CDH18: variants seen among roughly 807,000 people sequenced by gnomAD.
The protein encoded by CDH18 is cadherin 18.
A neutral mutation model predicts 67.9 loss-of-function variants in CDH18; 31 were observed. The observed-to-expected ratio is 0.46, with a 90% CI of 0.34 to 0.62. The LOEUF is 0.62. Among genes scored for constraint, CDH18 ranks in the 20% least tolerant of loss-of-function variants. The pLI is 0.01. For missense variants in CDH18, 890 were observed against 975.5 expected (o/e 0.91, Z 1.17); for synonymous variants, 362 against 347.2 (o/e 1.04, Z -0.48).
At chr5:20,512,436 C>A (rs1453967410) in intron 1 of CDH18, among the ~76,000 whole-genome samples, 1 of 152,108 alleles carries the variant, frequency 6.6e-6, no homozygotes, top group Non-Finnish European at 1.5e-5. Flanking sequence ...TAAAAATCTA[C>A]AAGTGATCTT....
intron 2 of CDH18, among the ~76,000 whole-genome samples, chr5:20,000,342 T>C (rs1209851284): frequency 6.6e-6 from 1 of 152,218 alleles, no homozygotes; most frequent in Non-Finnish European, 1.5e-5. Flanking sequence ...TGAATGCCTT[T>C]AACTTAGTAT....
At chr5:20,413,779 A>T (rs559440612) in intron 1 of CDH18, among the ~76,000 whole-genome samples, 6 of 152,048 alleles carry the variant, frequency 3.9e-5, no homozygotes, top group African/African-American at 1.4e-4. Context: ...TCACTCTGAT[A>T]GTAGTTTCTT....
intron 1 of CDH18, among the ~76,000 whole-genome samples, chr5:20,308,079 C>CTTTTTTTTTTTTT (rs759117114): frequency 2.1e-4 from 18 of 85,434 alleles, no homozygotes; most frequent in African/African-American, 8.7e-4. Context: ...AATACTACTG[C>CTTTTTTTTTTTTT]TTTTTTTTTT....
At chr5:19,889,989 G>C (rs910697113) in intron 2 of CDH18, among the ~76,000 whole-genome samples, 1 of 152,122 alleles carries the variant, frequency 6.6e-6, no homozygotes, top group Non-Finnish European at 1.5e-5. Context: ...TTCTGAAGAT[G>C]AATTACTGTA....
intron 2 of CDH18, among the ~76,000 whole-genome samples, chr5:20,153,471 G>T (rs887515002): frequency 5.3e-5 from 8 of 152,192 alleles, no homozygotes; most frequent in African/African-American, 1.7e-4. Flanking sequence ...AACACTTACT[G>T]ATACAACACA....
At chr5:20,242,968 TA>T (rs1743102336) in intron 2 of CDH18, among the ~76,000 whole-genome samples, 1 of 152,074 alleles carries the variant, frequency 6.6e-6, no homozygotes, top group Non-Finnish European at 1.5e-5. Flanking sequence ...GTAGTAAGAT[TA>T]ATTCTAAATC....
chr5:19,606,355 G>C (rs1239458334), intron 6 of CDH18, among the ~76,000 whole-genome samples: 1 of 151,944 alleles, frequency 6.6e-6, no homozygotes, highest in Non-Finnish European at 1.5e-5. Context: ...AAATGACCCA[G>C]GCATGATTAT....
intron 3 of CDH18, among the ~76,000 whole-genome samples, chr5:19,755,581 T>C (rs1771501673): frequency 7.2e-6 from 1 of 139,786 alleles, no homozygotes; most frequent in African/African-American, 2.9e-5. Context: ...ATAGGATATA[T>C]ATAATATAAG....
chr5:19,813,827 T>C (rs1778999309), intron 3 of CDH18, among the ~76,000 whole-genome samples: 1 of 152,140 alleles, frequency 6.6e-6, no homozygotes, highest in African/African-American at 2.4e-5. Context: ...TTGACACTAA[T>C]GTGCCAAAAC....
chr5:19,942,973 C>A (rs1460690345), intron 2 of CDH18, among the ~76,000 whole-genome samples: 1 of 152,148 alleles, frequency 6.6e-6, no homozygotes, highest in Non-Finnish European at 1.5e-5. Context: ...TTCTGATATA[C>A]TCTCTGCCAG....
intron 5 of CDH18, among the ~76,000 whole-genome samples, chr5:19,708,855 C>T (rs937215385): frequency 1.3e-4 from 20 of 152,050 alleles, no homozygotes; most frequent in African/African-American, 4.3e-4. Flanking sequence ...CCCCCTGATT[C>T]CCACTCCCCA....
At chr5:19,920,063 T>C (rs553572022) in intron 2 of CDH18, among the ~76,000 whole-genome samples, 24 of 152,280 alleles carry the variant, frequency 1.6e-4, no homozygotes, top group Non-Finnish European at 3.2e-4. Context: ...TTCAGAAACA[T>C]GTTAAAGTAA....
intron 8 of CDH18, among the ~76,000 whole-genome samples, chr5:19,556,901 A>C (rs1246021123): frequency 6.6e-6 from 1 of 152,196 alleles, no homozygotes; most frequent in Non-Finnish European, 1.5e-5. Flanking sequence ...AACACCAGGT[A>C]ATCTATAAAG....
rs779949813 is a variant in CDH18 at position 19,571,714 on chromosome 5, A to G, written c.1118T>C (p.Ile373Thr). Residue 373 changes from isoleucine (I) to threonine (T), a missense_variant, in exon 8 of 13, where the codon ATT becomes ACT. Coordinates refer to ENST00000382275, the MANE Select transcript of CDH18 (RefSeq NM_004934.5). The stretch of plus-strand genomic sequence containing the variant: ...TGGTGGTTCATCTACATCCCCAACA[A>G]TGATCTTCAGCATAGTAGCATCTTT... Reference protein sequence around the residue: ...PFKDATMLKIIVGDVDEPPLF... With the variant: ...PFKDATMLKITVGDVDEPPLF... 1.2e-6 allele frequency: 2 copies of G among 1,613,982 alleles called. No homozygotes were observed. Among genetic ancestry groups the G allele is most frequent in the South Asian group, 1.1e-5 (1 of 91,070 alleles).
Position 19,904,313 on chromosome 5 carries a change from CGAAAA to C in CDH18, c.-256-65076_-256-65072del, listed in dbSNP as rs919478780. Among the ~76,000 whole-genome samples, 23 of 131,678 alleles carry C rather than the reference CGAAAA, an allele frequency of 1.7e-4. No homozygotes were observed. In the South Asian group the frequency reaches 2.3e-3, roughly 13 times the overall value. 86.4% of individuals were successfully genotyped at this position (131,678 alleles called of 152,430 possible). On this transcript the variant is annotated intron_variant, in intron 2 of 12. Coordinates refer to ENST00000382275, the MANE Select transcript of CDH18 (RefSeq NM_004934.5). Reference sequence around the variant, plus strand: ...GGAAAGAAAAAAAGAAAAGAAAAAACGAAAAGAAAAGAAAAGAGAGAGAAGGGAGG... The same window carrying C: ...GGAAAGAAAAAAAGAAAAGAAAAAACGAAAAGAAAAGAGAGAGAAGGGAGG...
intron 3 of CDH18, among the ~76,000 whole-genome samples, chr5:19,779,233 A>C (rs530656806): frequency 3.3e-5 from 5 of 152,158 alleles, no homozygotes; most frequent in Non-Finnish European, 7.4e-5. Context: ...CAATGTGTAC[A>C]TCTATAATAT....
At position 19,472,461 on chromosome 5, in the gene CDH18, C is replaced by G. The variant is rs1056572972; in HGVS notation, c.*765G>C. On this transcript the variant is annotated 3_prime_UTR_variant, in exon 13 of 13. Coordinates refer to ENST00000382275, the MANE Select transcript of CDH18 (RefSeq NM_004934.5). ...TCCCTGACATATCAGATTTTCATAA[C>G]ATACCTTAAACTATTCTTTCTGTCC... 1.3e-5 allele frequency among the ~76,000 whole-genome samples: 2 copies of G among 152,034 alleles called. No individual in the cohort carries two copies. The highest frequency in any genetic ancestry group is 2.9e-5 in the Non-Finnish European group (2 of 67,996).
At chr5:20,545,573 G>T (rs1220450095) in intron 1 of CDH18, among the ~76,000 whole-genome samples, 1 of 152,190 alleles carries the variant, frequency 6.6e-6, no homozygotes, top group Non-Finnish European at 1.5e-5. Context: ...CATAGACCAA[G>T]ATATACGTTG....
intron 9 of CDH18, among the ~76,000 whole-genome samples, chr5:19,522,852 G>GCCA (rs939719175): frequency 2.1e-5 from 3 of 139,882 alleles, no homozygotes; most frequent in Non-Finnish European, 4.5e-5. Context: ...CTGAGCTCAC[G>GCCA]CCACTGCACT....
Sources: gnomAD v4.1 joint callset for allele counts (sites outside exome capture counted in the v4.1 genomes callset) on GRCh38, gnomAD v4.1.1 for gene constraint, MANE v1.5 for transcripts, NCBI Gene and HGNC (gene_info 2026-07-23, HGNC 2026-07-21) for gene names.